LRP1B: variants seen among roughly 807,000 people sequenced by gnomAD.
LRP1B encodes LDL receptor related protein 1B, also known as low-density lipoprotein receptor-related protein 1B.
Under a neutral mutation model 556.6 loss-of-function variants are expected in LRP1B, and 217 were observed. That is an observed-to-expected ratio of 0.39 (90% CI 0.35 to 0.44). The LOEUF is 0.44. Ranked by LOEUF, LRP1B falls within the 20% of genes least tolerant of loss-of-function variation. The pLI is 1.00. For synonymous variants in LRP1B, 2,047 were observed against 1,865.8 expected (o/e 1.10, Z -2.50); for missense variants, 5,053 against 5,620.8 (o/e 0.90, Z 3.23).
intron 2 of LRP1B, among the ~76,000 whole-genome samples, chr2:141,782,337 A>T (rs138469296): frequency 2.4e-3 from 358 of 152,130 alleles, no homozygotes; most frequent in Non-Finnish European, 4.2e-3. Context: ...TTTACCACAG[A>T]TTCATTCCCA....
At chr2:141,174,423 T>C (rs1236232850) in intron 7 of LRP1B, among the ~76,000 whole-genome samples, 1 of 152,048 alleles carries the variant, frequency 6.6e-6, no homozygotes, top group Non-Finnish European at 1.5e-5. Flanking sequence ...AGGGGCCTGG[T>C]GGAAGGTGAT....
At chr2:140,434,880 A>T (rs1487048750) in intron 66 of LRP1B, among the ~76,000 whole-genome samples, 1 of 152,184 alleles carries the variant, frequency 6.6e-6, no homozygotes, top group Non-Finnish European at 1.5e-5. Context: ...TGGATCTTCA[A>T]ACTGATGTTA....
chr2:140,233,936 AGCATTT>A (rs1680580977), intron 90 of LRP1B, among the ~76,000 whole-genome samples: 3 of 151,364 alleles, frequency 2.0e-5, no homozygotes, highest in Non-Finnish European at 4.4e-5. Context: ...TCACAAACAT[AGCATTT>A]TGAAGTAGAA....
intron 3 of LRP1B, among the ~76,000 whole-genome samples, chr2:141,392,563 G>A (rs1690093791): frequency 6.6e-6 from 1 of 151,582 alleles, no homozygotes; most frequent in South Asian, 2.1e-4. Context: ...CTGGTGATGT[G>A]TAACTTCTGT....
intron 35 of LRP1B, among the ~76,000 whole-genome samples, chr2:140,719,019 T>C (rs983019895): frequency 9.9e-5 from 15 of 152,136 alleles, no homozygotes; most frequent in African/African-American, 3.4e-4. Flanking sequence ...GTAGCACTTA[T>C]CATTATCAAA....
chr2:141,813,192 T>G (rs1350847929), intron 1 of LRP1B, among the ~76,000 whole-genome samples: 1 of 152,174 alleles, frequency 6.6e-6, no homozygotes, highest in Non-Finnish European at 1.5e-5. Flanking sequence ...GAATTCCTGT[T>G]ATCATGGATC....
intron 31 of LRP1B, among the ~76,000 whole-genome samples, chr2:140,837,728 G>A (rs1691958173): frequency 6.6e-6 from 1 of 151,198 alleles, no homozygotes; most frequent in Non-Finnish European, 1.5e-5. Context: ...CTCATAGGTG[G>A]GAATTGAACA....
At chr2:140,414,349 C>A (rs1685088858) in intron 66 of LRP1B, among the ~76,000 whole-genome samples, 1 of 152,074 alleles carries the variant, frequency 6.6e-6, no homozygotes, top group African/African-American at 2.4e-5. Context: ...ACAACTAAAT[C>A]TCTGATCTAG....
chr2:140,594,737 G>C (rs945590728), intron 43 of LRP1B, among the ~76,000 whole-genome samples: 11 of 152,052 alleles, frequency 7.2e-5, no homozygotes, highest in African/African-American at 2.7e-4. Context: ...GCTATCACTT[G>C]CTTTACCCAA....
At chr2:140,960,325 C>G (rs1186789496) in intron 18 of LRP1B, among the ~76,000 whole-genome samples, 1 of 151,790 alleles carries the variant, frequency 6.6e-6, no homozygotes, top group African/African-American at 2.4e-5. Flanking sequence ...TAAATGGTTT[C>G]TAAGAATTCA....
At chr2:140,301,891 G>T (rs1683845431) in intron 83 of LRP1B, among the ~76,000 whole-genome samples, 1 of 151,506 alleles carries the variant, frequency 6.6e-6, no homozygotes, top group East Asian at 1.9e-4. Context: ...ATGTGTATGT[G>T]TGTGTATATA....
intron 79 of LRP1B, among the ~76,000 whole-genome samples, chr2:140,331,194 G>A (rs1477879374): frequency 6.6e-6 from 1 of 152,034 alleles, no homozygotes; most frequent in Non-Finnish European, 1.5e-5. Context: ...ATGATAGACT[G>A]CATAAAGAAA....
intron 22 of LRP1B, among the ~76,000 whole-genome samples, chr2:140,905,570 T>TA (rs980841858): frequency 9.2e-5 from 14 of 152,108 alleles, no homozygotes; most frequent in Non-Finnish European, 1.8e-4. Context: ...GTGGGGGTCT[T>TA]ACTCTTACTT....
chr2:141,334,304 T>C (rs1318474449), intron 3 of LRP1B, among the ~76,000 whole-genome samples: 1 of 152,290 alleles, frequency 6.6e-6, no homozygotes, highest in Admixed American at 6.5e-5. Flanking sequence ...CTGAAGATAT[T>C]GAGTTCCCAC....
chr2:142,046,152 G>A (rs1265058909), intron 1 of LRP1B, among the ~76,000 whole-genome samples: 1 of 151,926 alleles, frequency 6.6e-6, no homozygotes, highest in Admixed American at 6.6e-5. Flanking sequence ...TTTGTTCACT[G>A]CCAAGAAGAG....
chr2:141,810,151 A>AAGAAAGAAAG (rs1696305317), intron 2 of LRP1B, 128 bp downstream of exon 2: 1 of 477,518 alleles, frequency 2.1e-6, no homozygotes. Flanking sequence ...GAAAGAAAGA[A>AAGAAAGAAAG]AGAAAGAAAG....
At chr2:141,970,209 T>C (rs1167121971) in intron 1 of LRP1B, among the ~76,000 whole-genome samples, 2 of 151,628 alleles carry the variant, frequency 1.3e-5, no homozygotes, top group African/African-American at 4.8e-5. Context: ...CTTGCAAATA[T>C]TTTTTCCCTG....
intron 1 of LRP1B, among the ~76,000 whole-genome samples, chr2:142,025,899 A>G: frequency 6.6e-6 from 1 of 152,116 alleles, no homozygotes; most frequent in Non-Finnish European, 1.5e-5. Context: ...GATAACAAGG[A>G]TGAATAGATT....
intron 32 of LRP1B, among the ~76,000 whole-genome samples, chr2:140,806,436 G>A (rs1192773029): frequency 6.6e-6 from 1 of 151,908 alleles, no homozygotes; most frequent in African/African-American, 2.4e-5. Context: ...AAGCATATAC[G>A]GAATGATATA....
Sources: gnomAD v4.1 joint callset for allele counts (sites outside exome capture counted in the v4.1 genomes callset) on GRCh38, gnomAD v4.1.1 for gene constraint, MANE v1.5 for transcripts, NCBI Gene and HGNC (gene_info 2026-07-23, HGNC 2026-07-21) for gene names.